Variants in XRN2 observed in about 807,000 individuals in gnomAD.
XRN2 encodes the protein DHM1-like protein.
Under a neutral mutation model 138.5 loss-of-function variants are expected in XRN2, and 44 were observed. That is an observed-to-expected ratio of 0.32 (90% confidence interval 0.25 to 0.41). XRN2 has a LOEUF of 0.41. XRN2 is among the 10% of genes least tolerant of loss of function. The pLI is 1.00. For missense variants in XRN2, 937 were observed against 1,169.3 expected, an observed-to-expected ratio of 0.80 and a Z score of 2.90; for synonymous variants, 354 against 369.4, an observed-to-expected ratio of 0.96 and a Z score of 0.48.
intron 13 of XRN2, among the ~76,000 whole-genome samples, chr20:21,336,186 G>A (rs1028999412): frequency 6.6e-6 from 1 of 152,198 alleles, no homozygotes; most frequent in Non-Finnish European, 1.5e-5. Context: ...TTGGCTAAGC[G>A]TGGTGGCTCA....
intron 14 of XRN2, among the ~76,000 whole-genome samples, chr20:21,339,864 G>A (rs896982091): frequency 6.6e-5 from 10 of 152,078 alleles, no homozygotes; most frequent in Non-Finnish European, 4.4e-5. Context: ...TTTCAAGCTT[G>A]TGGAGTTTAG....
intron 28 of XRN2, 119 bp from the exon 29 acceptor site, chr20:21,386,749 A>C: frequency 7.8e-7 from 1 of 1,284,592 alleles, no homozygotes; most frequent in African/African-American, 1.5e-5. Flanking sequence ...TCTGTATCCC[A>C]TATGATAAAT....
At chr20:21,368,431 A>C in intron 26 of XRN2, 32 bp from the exon 27 acceptor site, 1 of 1,599,304 alleles carries the variant, frequency 6.3e-7, no homozygotes, top group Non-Finnish European at 8.5e-7. Context: ...TCACTATACA[A>C]TTTTTTTTTC....
At chr20:21,332,226 G>A (rs1600686349) in intron 8 of XRN2, 57 bp from the exon 9 acceptor site, 2 of 1,566,238 alleles carry the variant, frequency 1.3e-6, no homozygotes, top group East Asian at 4.5e-5. Flanking sequence ...GTAGTTTATG[G>A]TAAGACTTCT....
At position 21,331,349 on chromosome 20, in the gene XRN2, A is replaced by G. The variant is rs916955898; in HGVS notation, c.577-212A>G. Among the ~76,000 whole-genome samples, 4 of 151,802 alleles carry G rather than the reference A, an allele frequency of 2.6e-5. No homozygotes were observed. The South Asian group carries it at 8.3e-4, about 32-fold the overall frequency. Reference sequence around the variant, plus strand: ...TGGTTTTGGTGTCTCTCACACACACACACCCCTTCTTTATTCAGAAAATTT... The same window carrying G: ...TGGTTTTGGTGTCTCTCACACACACGCACCCCTTCTTTATTCAGAAAATTT... On this transcript the variant is annotated intron_variant, in intron 6 of 29. Transcript: ENST00000377191.
intron 20 of XRN2, among the ~76,000 whole-genome samples, chr20:21,353,149 T>A (rs1398481115): frequency 1.4e-5 from 2 of 146,578 alleles, no homozygotes; most frequent in African/African-American, 5.0e-5. Flanking sequence ...TAATATTTAA[T>A]ATTTAATATA....
At chr20:21,308,156 T>C (rs6137312) in intron 1 of XRN2, among the ~76,000 whole-genome samples, 463 of 19,106 alleles carry the variant, frequency 0.024, 54 homozygotes, top group South Asian at 0.092. Flanking sequence ...AGGCTGGTCT[T>C]GAACTCCTGA....
intron 27 of XRN2, among the ~76,000 whole-genome samples, chr20:21,375,654 T>G (rs1325598167): frequency 6.6e-6 from 1 of 151,810 alleles, no homozygotes; most frequent in Admixed American, 6.6e-5. Context: ...AGGCTAAATT[T>G]CTAGAAATGG....
intron 27 of XRN2, among the ~76,000 whole-genome samples, chr20:21,379,977 T>C (rs1351817738): frequency 1.3e-5 from 2 of 152,174 alleles, no homozygotes. Flanking sequence ...CTTTGTATTG[T>C]CTTCATTCGA....
At chr20:21,366,906 C>T (rs548806908) in intron 26 of XRN2, among the ~76,000 whole-genome samples, 5 of 152,266 alleles carry the variant, frequency 3.3e-5, no homozygotes, top group East Asian at 1.9e-4. Flanking sequence ...TTCTCTAAGA[C>T]GTTTTACTGT....
At chr20:21,309,062 CAAGTTTGCTA>C (rs1220223698) in intron 1 of XRN2, among the ~76,000 whole-genome samples, 2 of 152,252 alleles carry the variant, frequency 1.3e-5, no homozygotes, top group African/African-American at 2.4e-5. Context: ...ACGTTGAATT[CAAGTTTGCTA>C]AAGTTTGCTA....
At chr20:21,386,791 G>A in intron 28 of XRN2, 77 bp from the exon 29 acceptor site, 2 of 1,531,078 alleles carry the variant, frequency 1.3e-6, no homozygotes, top group Non-Finnish European at 1.8e-6. Flanking sequence ...AAAATTTGGA[G>A]ATGATACCTG....
At chr20:21,379,423 A>G (rs1224794671) in intron 27 of XRN2, among the ~76,000 whole-genome samples, 6 of 152,262 alleles carry the variant, frequency 3.9e-5, no homozygotes. Context: ...GGTTAAAAAT[A>G]GCCTTGAAAT....
rs564286052 is a variant in XRN2, at chr20:21,304,945, T to A, written c.75+1472T>A. Among the ~76,000 whole-genome samples, 50 of 152,336 alleles carry A rather than the reference T, an allele frequency of 3.3e-4. No individual in the cohort carries two copies. The South Asian group carries it at 3.5e-3, about 11-fold the overall frequency. ...TGAAAAATCAGATAGGATAGTTGAC[T>A]ATTGACACTGTGTAGATTCAGGTTA... On this transcript the variant is annotated intron_variant, in intron 1 of 29. Coordinates refer to ENST00000377191, the MANE Select transcript of XRN2 (RefSeq NM_012255.5).
chr20:21,359,156 A>G (rs2038608454), intron 24 of XRN2, among the ~76,000 whole-genome samples: 3 of 152,230 alleles, frequency 2.0e-5, no homozygotes, highest in African/African-American at 4.8e-5. Flanking sequence ...TTTTGTTTGG[A>G]TGATGATGAT....
chr20:21,325,608 C>T (rs781290588), intron 1 of XRN2, among the ~76,000 whole-genome samples: 6 of 152,072 alleles, frequency 3.9e-5, no homozygotes, highest in South Asian at 2.1e-4. Context: ...CATCATGTGA[C>T]GGCATTGAGA....
chr20:21,341,373 A>G (rs956155956), intron 15 of XRN2, among the ~76,000 whole-genome samples: 2 of 152,234 alleles, frequency 1.3e-5, no homozygotes, highest in African/African-American at 2.4e-5. Flanking sequence ...CCAATTCAGC[A>G]TGGAATAGAT....
chr20:21,348,056 T>C, intron 17 of XRN2, 90 bp from the exon 18 acceptor site: 2 of 1,019,594 alleles, frequency 2.0e-6, no homozygotes, highest in East Asian at 2.6e-5. Flanking sequence ...TAGAATATTA[T>C]AGGTTAACAG....
rs549629259 is a variant in XRN2 at position 21,357,961 on chromosome 20, A to C, written c.2255+169A>C. Among the ~76,000 whole-genome samples, 9 of 152,304 alleles carry C rather than the reference A, an allele frequency of 5.9e-5. No homozygotes were observed. The South Asian group carries it at 1.9e-3, about 32-fold the overall frequency. On this transcript the variant is annotated intron_variant, in intron 24 of 29. Transcript: ENST00000377191. The stretch of plus-strand genomic sequence containing the variant: ...CTTACAGCAGAGCCTCTTAACTCTA[A>C]ATTATGTATATTGTTAAGGTTACTG...
Sources: gnomAD v4.1 joint callset for allele counts (sites outside exome capture counted in the v4.1 genomes callset) on GRCh38, gnomAD v4.1.1 for gene constraint, MANE v1.5 for transcripts, NCBI Gene and HGNC (gene_info 2026-07-23, HGNC 2026-07-21) for gene names.